Variants in STXBP5L observed in about 807,000 individuals in gnomAD.
STXBP5L encodes syntaxin-binding protein 5-like.
Under a neutral mutation model 144.5 loss-of-function variants are expected in STXBP5L, and 65 were observed. That is an observed-to-expected ratio of 0.45 (90% confidence interval 0.37 to 0.55). The LOEUF is 0.55. Ranked by LOEUF, STXBP5L falls within the 20% of genes least tolerant of loss-of-function variation. The probability of loss-of-function intolerance (pLI) is 0.00; values close to 1 mark genes in which losing one functional copy is unlikely to be tolerated. For missense variants in STXBP5L, 1,298 were observed against 1,405.5 expected, an observed-to-expected ratio of 0.92 and a Z score of 1.22; for synonymous variants, 505 against 469.6, an observed-to-expected ratio of 1.08 and a Z score of -0.97.
chr3:121,232,398 A>C (rs1427394992), intron 11 of STXBP5L, among the ~76,000 whole-genome samples: 1 of 152,140 alleles, frequency 6.6e-6, no homozygotes, highest in Non-Finnish European at 1.5e-5. Flanking sequence ...CCACAAAATA[A>C]AAATAAAAAA....
At chr3:120,927,877 A>G (rs1207139778) in intron 2 of STXBP5L, among the ~76,000 whole-genome samples, 1 of 152,158 alleles carries the variant, frequency 6.6e-6, no homozygotes, top group Non-Finnish European at 1.5e-5. Context: ...ACAAAGCAAG[A>G]TTATATATTT....
intron 12 of STXBP5L, among the ~76,000 whole-genome samples, chr3:121,234,113 A>G (rs2049393857): frequency 6.6e-6 from 1 of 152,138 alleles, no homozygotes; most frequent in South Asian, 2.1e-4. Context: ...TTTTACTTTT[A>G]TTCCTTTTTC....
chr3:121,284,705 A>G (rs2051172673), intron 19 of STXBP5L, among the ~76,000 whole-genome samples: 1 of 152,088 alleles, frequency 6.6e-6, no homozygotes, highest in Non-Finnish European at 1.5e-5. Context: ...GAGAAGAACT[A>G]GGTAACAGGT....
chr3:121,058,698 G>T (rs1225815384), intron 5 of STXBP5L, among the ~76,000 whole-genome samples: 1 of 152,148 alleles, frequency 6.6e-6, no homozygotes, highest in South Asian at 2.1e-4. Context: ...TCTCATTGTG[G>T]TTTTGATTTG....
At chr3:121,397,010 T>G (rs2046747477) in intron 22 of STXBP5L, among the ~76,000 whole-genome samples, 1 of 152,212 alleles carries the variant, frequency 6.6e-6, no homozygotes, top group Admixed American at 6.5e-5. Flanking sequence ...AATACCTCAA[T>G]TACAGCTACA....
chr3:121,116,099 A>G (rs1417168358), intron 6 of STXBP5L, among the ~76,000 whole-genome samples: 1 of 152,186 alleles, frequency 6.6e-6, no homozygotes, highest in Non-Finnish European at 1.5e-5. Flanking sequence ...ATCTATTTGT[A>G]GTACATACGT....
intron 20 of STXBP5L, among the ~76,000 whole-genome samples, chr3:121,354,529 T>TTG (rs1337739366): frequency 3.4e-5 from 5 of 145,566 alleles, no homozygotes; most frequent in Non-Finnish European, 6.1e-5. Context: ...TTTTTTTTTT[T>TTG]GCTCTCCATG....
intron 9 of STXBP5L, among the ~76,000 whole-genome samples, chr3:121,188,678 C>T (rs2047503096): frequency 6.6e-6 from 1 of 152,104 alleles, no homozygotes; most frequent in Non-Finnish European, 1.5e-5. Flanking sequence ...AAACGTAATC[C>T]AGCATATAAA....
intron 9 of STXBP5L, among the ~76,000 whole-genome samples, chr3:121,177,298 ACAAT>A (rs1423641371): frequency 6.6e-6 from 1 of 152,144 alleles, no homozygotes; most frequent in Non-Finnish European, 1.5e-5. Flanking sequence ...ATCAAAGAAC[ACAAT>A]CAACAATATG....
intron 18 of STXBP5L, among the ~76,000 whole-genome samples, chr3:121,270,291 C>T (rs2108416802): frequency 6.8e-6 from 1 of 146,934 alleles, no homozygotes; most frequent in Admixed American, 6.8e-5. Flanking sequence ...AGAAATTCAA[C>T]ATTGATTCAG....
chr3:121,406,471 G>A (rs1211086733), intron 22 of STXBP5L, among the ~76,000 whole-genome samples: 1 of 151,994 alleles, frequency 6.6e-6, no homozygotes, highest in Non-Finnish European at 1.5e-5. Context: ...GGAAGATTCT[G>A]GAAATATCCA....
intron 10 of STXBP5L, among the ~76,000 whole-genome samples, chr3:121,220,996 G>A (rs1288822356): frequency 6.6e-6 from 1 of 151,900 alleles, no homozygotes; most frequent in Non-Finnish European, 1.5e-5. Context: ...CAATATATAG[G>A]AGTGTTTAGA....
intron 10 of STXBP5L, among the ~76,000 whole-genome samples, chr3:121,219,868 A>G (rs561552842): frequency 6.6e-6 from 1 of 152,114 alleles, no homozygotes; most frequent in Non-Finnish European, 1.5e-5. Context: ...TATCATAAAT[A>G]CTCAATATAT....
intron 22 of STXBP5L, among the ~76,000 whole-genome samples, chr3:121,390,667 T>C (rs1401586193): frequency 6.6e-6 from 1 of 152,194 alleles, no homozygotes; most frequent in Non-Finnish European, 1.5e-5. Context: ...GGATATGAAA[T>C]TCTGGGTTGA....
intron 19 of STXBP5L, among the ~76,000 whole-genome samples, chr3:121,282,504 G>T (rs2051094435): frequency 6.6e-6 from 1 of 151,858 alleles, no homozygotes; most frequent in South Asian, 2.1e-4. Flanking sequence ...CATTATTATA[G>T]AAATATTTCA....
chr3:121,276,163 A>G (rs2050878096), intron 18 of STXBP5L, among the ~76,000 whole-genome samples: 1 of 110,022 alleles, frequency 9.1e-6, no homozygotes, highest in Non-Finnish European at 1.9e-5. Context: ...TTGATTTATT[A>G]GATATACTTC....
chr3:120,994,834 T>C (rs1414511438), intron 3 of STXBP5L, among the ~76,000 whole-genome samples: 2 of 152,126 alleles, frequency 1.3e-5, no homozygotes, highest in South Asian at 2.1e-4. Flanking sequence ...TTTTTTGGAA[T>C]AGTTTGAGGA....
At chr3:121,203,988 C>T (rs1365388161) in intron 9 of STXBP5L, among the ~76,000 whole-genome samples, 1 of 152,120 alleles carries the variant, frequency 6.6e-6, no homozygotes, top group African/African-American at 2.4e-5. Context: ...CCTGTAATCC[C>T]AGCACTTTGG....
At chr3:120,964,764 A>G (rs1205237886) in intron 3 of STXBP5L, among the ~76,000 whole-genome samples, 1 of 152,090 alleles carries the variant, frequency 6.6e-6, no homozygotes, top group Non-Finnish European at 1.5e-5. Flanking sequence ...TGGGGTGGAG[A>G]GTTCTGTAGA....
Sources: gnomAD v4.1 joint callset for allele counts (sites outside exome capture counted in the v4.1 genomes callset) on GRCh38, gnomAD v4.1.1 for gene constraint, MANE v1.5 for transcripts, NCBI Gene and HGNC (gene_info 2026-07-23, HGNC 2026-07-21) for gene names.